The following TRIM2 variants were observed in gnomAD, a reference collection of about 807,000 sequenced individuals.
TRIM2 encodes the protein tripartite motif containing 2, also known as tripartite motif-containing protein 2.
In TRIM2, 20 loss-of-function variants were observed where a neutral mutation model predicts 75.2. The observed-to-expected ratio is 0.27, with a 90% confidence interval of 0.19 to 0.39. TRIM2 has a LOEUF of 0.39. Among genes scored for constraint, TRIM2 ranks in the 10% least tolerant of loss-of-function variants. TRIM2 has a pLI of 1.00. For synonymous variants in TRIM2, 373 were observed against 388.3 expected (o/e 0.96, Z 0.46); for missense variants, 660 against 990.8 (o/e 0.67, Z 4.48).
At chr4:153,308,075 A>G in intron 6 of TRIM2, 1 of 815,958 alleles carries the variant, frequency 1.2e-6, no homozygotes, top group Non-Finnish European at 2.2e-6. Flanking sequence ...TCTTGTACCT[A>G]TCAAATACTT....
upstream of TRIM2, among the ~76,000 whole-genome samples, chr4:153,200,724 AATATAT>A (rs1328920767): frequency 4.6e-4 from 63 of 138,122 alleles, no homozygotes; most frequent in Non-Finnish European, 7.6e-4. Context: ...AAGAAAAAAA[AATATAT>A]ATATATATAT....
intron 6 of TRIM2, among the ~76,000 whole-genome samples, chr4:153,298,469 G>A (rs986720077): frequency 3.9e-5 from 6 of 152,140 alleles, no homozygotes; most frequent in African/African-American, 1.4e-4. Context: ...AGCCCCTATT[G>A]TCTCTTCCTC....
intron 1 of TRIM2, among the ~76,000 whole-genome samples, chr4:153,208,860 A>C (rs780286100): frequency 2.0e-5 from 3 of 152,204 alleles, no homozygotes; most frequent in African/African-American, 7.2e-5. Context: ...CAATTTCCAT[A>C]CATTACAAAA....
chr4:153,324,185 T>C, intron 10 of TRIM2, 37 bp downstream of exon 10: 1 of 1,570,394 alleles, frequency 6.4e-7, no homozygotes, highest in Non-Finnish European at 8.7e-7. Flanking sequence ...AACTTTTAAC[T>C]GCTTTTATGG....
intron 6 of TRIM2, chr4:153,308,701 G>A (rs1765565782): frequency 1.8e-6 from 1 of 561,298 alleles, no homozygotes. Context: ...AAATGCACTT[G>A]GGAGTGTAGA....
chr4:153,306,222 C>A (rs1028399967), intron 6 of TRIM2, among the ~76,000 whole-genome samples: 4 of 151,962 alleles, frequency 2.6e-5, no homozygotes, highest in Non-Finnish European at 5.9e-5. Flanking sequence ...CCTCTCTGTG[C>A]CTTAGTTTCT....
chr4:153,314,736 T>C (rs185752392), intron 6 of TRIM2, among the ~76,000 whole-genome samples: 6 of 152,276 alleles, frequency 3.9e-5, no homozygotes, highest in Admixed American at 6.5e-5. Flanking sequence ...CTCTGAGATA[T>C]TGAATCTTTG....
At chr4:153,328,451 AAT>A (rs1419127795) in intron 10 of TRIM2, 77 bp from the exon 11 acceptor site, 2 of 1,321,860 alleles carry the variant, frequency 1.5e-6, no homozygotes, top group African/African-American at 3.0e-5. Flanking sequence ...AACCTGCTCA[AAT>A]AGATATTTTT....
chr4:153,295,488 G>A lies in TRIM2; in HGVS notation c.962G>A (p.Arg321Gln), dbSNP rs368629463. 2.5e-5 allele frequency: 41 copies of A among 1,614,038 alleles called. No individual in the cohort carries two copies. The highest frequency in any genetic ancestry group is 3.1e-5 in the Non-Finnish European group (36 of 1,180,056). Reference sequence around the variant, plus strand: ...GACCAGGACTTCCCCTTGCACCCGCGGGAGAACGACCAGCTGGATTTCATC... The same window carrying A: ...GACCAGGACTTCCCCTTGCACCCGCAGGAGAACGACCAGCTGGATTTCATC... The part of the protein sequence containing the change: ...LADQDFPLHP[R>Q]ENDQLDFIVE... Residue 321 changes from arginine to glutamine, a missense_variant, in exon 6 of 12, where the codon CGG becomes CAG. This residue lies in a region of TRIM2 where 620 missense variants were observed against 891.0 expected (regional missense o/e 0.70). Transcript: ENST00000338700. This position sits in a 1 kb window ranked among gnomAD's most constrained non-coding sequence, Gnocchi z 7.2.
chr4:153,168,085 T>G (rs1482203214), intron 1 of TRIM2, among the ~76,000 whole-genome samples: 3 of 152,102 alleles, frequency 2.0e-5, no homozygotes, highest in Admixed American at 2.0e-4. Context: ...AAGTAAACAT[T>G]TTAAATAGGA....
chr4:153,308,781 G>A (rs1394858216), intron 6 of TRIM2: 4 of 503,034 alleles, frequency 8.0e-6, no homozygotes, highest in Non-Finnish European at 1.6e-5. Context: ...AAGCTGGGCT[G>A]GGCACCAAGA....
intron 4 of TRIM2, among the ~76,000 whole-genome samples, chr4:153,293,771 T>G (rs1159568201): frequency 2.0e-5 from 3 of 152,208 alleles, no homozygotes; most frequent in Non-Finnish European, 4.4e-5. Context: ...TTACGAGAAG[T>G]TCTCAAGAAA....
chr4:153,172,740 G>C (rs974908071), intron 1 of TRIM2, among the ~76,000 whole-genome samples: 2 of 152,160 alleles, frequency 1.3e-5, no homozygotes, highest in African/African-American at 4.8e-5. Context: ...GATCAGGGGA[G>C]GGAGGTGGTG....
At chr4:153,152,404 G>GTGTATATATATATATA, upstream of TRIM2, 1 of 17,522 alleles carries the variant, frequency 5.7e-5, no homozygotes, top group South Asian at 6.7e-3. Context: ...ATATATATAT[G>GTGTATATATATATATA]TGTGTATATA....
At chr4:153,193,127 CTTT>C (rs141233060) in intron 1 of TRIM2, among the ~76,000 whole-genome samples, 3 of 106,724 alleles carry the variant, frequency 2.8e-5, no homozygotes, top group Admixed American at 1.1e-4. Flanking sequence ...AGTGAATAAT[CTTT>C]TTTTTTTTTT....
chr4:153,163,753 C>T (rs12650828), intron 1 of TRIM2, among the ~76,000 whole-genome samples: 35,407 of 151,034 alleles, frequency 0.23, 4,324 homozygotes, highest in East Asian at 0.31. Context: ...CTGCCCGCCT[C>T]GGCCTCCCAG....
intron 6 of TRIM2, among the ~76,000 whole-genome samples, chr4:153,300,400 C>T (rs887221110): frequency 6.6e-6 from 1 of 152,172 alleles, no homozygotes; most frequent in African/African-American, 2.4e-5. Flanking sequence ...CCACTTCAGC[C>T]TCTCAAGTAG....
rs77441298 is a variant in TRIM2, at chr4:153,336,480, C to T, written c.*1514C>T. On this transcript the variant is annotated 3_prime_UTR_variant, in exon 12 of 12. Transcript: ENST00000338700. ...AAATGTTAAGAACAATTTAGTCAAT[C>T]GTTCATCTGTCATTGGTACTGTAAA... 1.2e-5 allele frequency: 12 copies of T among 985,590 alleles called. No individual in the cohort carries two copies. The highest frequency in any genetic ancestry group is 1.7e-5 in the African/African-American group (1 of 57,266). 61.1% of individuals were successfully genotyped at this position (985,590 alleles called of 1,614,324 possible).
At chr4:153,170,849 C>T (rs886963658) in intron 1 of TRIM2, among the ~76,000 whole-genome samples, 8 of 152,324 alleles carry the variant, frequency 5.3e-5, no homozygotes, top group African/African-American at 1.9e-4. Flanking sequence ...CAAAGGGCTA[C>T]TGGTGGGCTG....
Sources: gnomAD v4.1 joint callset for allele counts (sites outside exome capture counted in the v4.1 genomes callset) on GRCh38, gnomAD v4.1.1 for gene constraint, gnomAD v4.1.1 regional missense constraint, Gnocchi (gnomAD v3.1) non-coding constraint, MANE v1.5 for transcripts, NCBI Gene and HGNC (gene_info 2026-07-23, HGNC 2026-07-21) for gene names.